Variants in KCNN2 observed in about 807,000 individuals in gnomAD.
KCNN2 encodes potassium calcium-activated channel subfamily N member 2.
KCNN2 carries 24 observed loss-of-function variants against 55.5 expected under a neutral mutation model. That is an observed-to-expected ratio of 0.43 (90% CI 0.31 to 0.61). The LOEUF is 0.61. KCNN2 is among the 20% of genes least tolerant of loss of function. The pLI, the probability that KCNN2 is intolerant of heterozygous loss-of-function variation, is 0.08. For synonymous variants in KCNN2, 431 were observed against 336.1 expected, an observed-to-expected ratio of 1.28 and a Z score of -3.09; for missense variants, 754 against 853.6, an observed-to-expected ratio of 0.88 and a Z score of 1.45.
At chr5:114,350,277 C>T (rs532090794) in intron 2 of KCNN2, among the ~76,000 whole-genome samples, 1 of 151,794 alleles carries the variant, frequency 6.6e-6, no homozygotes, top group Admixed American at 6.6e-5. Context: ...AAAATCTTAC[C>T]TTTTAGTTAT....
At chr5:114,175,579 A>G (rs988327086) in intron 1 of KCNN2, among the ~76,000 whole-genome samples, 3 of 152,134 alleles carry the variant, frequency 2.0e-5, no homozygotes, top group African/African-American at 7.2e-5. Context: ...AAAAACAGGT[A>G]TAGTTCTGTA....
At chr5:114,267,841 G>A (rs1339968044) in intron 2 of KCNN2, among the ~76,000 whole-genome samples, 1 of 152,148 alleles carries the variant, frequency 6.6e-6, no homozygotes, top group African/African-American at 2.4e-5. Context: ...TCAGGCATTT[G>A]TTTCTAGATG....
At chr5:114,179,759 T>C (rs1753204588) in intron 1 of KCNN2, among the ~76,000 whole-genome samples, 1 of 152,208 alleles carries the variant, frequency 6.6e-6, no homozygotes, top group Admixed American at 6.5e-5. Context: ...AACCTTAAAA[T>C]AAGACTCAGC....
intron 2 of KCNN2, among the ~76,000 whole-genome samples, chr5:114,280,544 TA>T (rs1389993361): frequency 3.9e-5 from 6 of 152,194 alleles, no homozygotes; most frequent in Admixed American, 3.9e-4. Context: ...CCATCACCAT[TA>T]ATTAAATAGG....
At chr5:114,447,843 G>A (rs1760482764) in intron 3 of KCNN2, among the ~76,000 whole-genome samples, 1 of 152,106 alleles carries the variant, frequency 6.6e-6, no homozygotes, top group Admixed American at 6.6e-5. Context: ...TGCTTCTACA[G>A]GTGAAAACCT....
chr5:114,365,561 C>T (rs900853918), intron 2 of KCNN2, among the ~76,000 whole-genome samples: 6 of 152,154 alleles, frequency 3.9e-5, no homozygotes, highest in Non-Finnish European at 7.4e-5. Flanking sequence ...GGTAGCTTGC[C>T]GGGCCACACA....
At chr5:114,329,754 T>C (rs1452454701) in intron 2 of KCNN2, among the ~76,000 whole-genome samples, 1 of 152,186 alleles carries the variant, frequency 6.6e-6, no homozygotes, top group Non-Finnish European at 1.5e-5. Flanking sequence ...CCTTTGGAGA[T>C]CCCTGACTAA....
At chr5:114,166,476 C>T (rs1752915992) in intron 1 of KCNN2, among the ~76,000 whole-genome samples, 1 of 152,100 alleles carries the variant, frequency 6.6e-6, no homozygotes, top group African/African-American at 2.4e-5. Context: ...TCAAAAAACA[C>T]ATAGAACAAT....
chr5:114,117,538 T>A (rs1410894486), intron 1 of KCNN2, among the ~76,000 whole-genome samples: 1 of 152,172 alleles, frequency 6.6e-6, no homozygotes, highest in Non-Finnish European at 1.5e-5. Flanking sequence ...TTGAAATAAC[T>A]GGAGAGCAGT....
intron 2 of KCNN2, among the ~76,000 whole-genome samples, chr5:114,272,998 G>T (rs2150009244): frequency 6.6e-6 from 1 of 152,100 alleles, no homozygotes; most frequent in South Asian, 2.1e-4. Context: ...ACCTACATTA[G>T]GCATTTCTCC....
intron 3 of KCNN2, among the ~76,000 whole-genome samples, chr5:114,460,665 A>T (rs28592267): frequency 0.36 from 55,296 of 152,022 alleles, 10,346 homozygotes; most frequent in East Asian, 0.62. Flanking sequence ...GTATCTAAGG[A>T]CACTTTGCTG....
intron 2 of KCNN2, among the ~76,000 whole-genome samples, chr5:114,270,640 T>C (rs1250675001): frequency 6.6e-6 from 1 of 152,186 alleles, no homozygotes; most frequent in Non-Finnish European, 1.5e-5. Flanking sequence ...TCCTGTTTCA[T>C]ATTTTACTCC....
intron 1 of KCNN2, among the ~76,000 whole-genome samples, chr5:114,151,186 GA>G (rs1752517006): frequency 6.6e-6 from 1 of 151,462 alleles, no homozygotes; most frequent in African/African-American, 2.4e-5. Flanking sequence ...GTAGAGTTGA[GA>G]AAAAAATGAT....
At chr5:114,439,422 G>T (rs1010606440) in intron 3 of KCNN2, among the ~76,000 whole-genome samples, 8 of 152,170 alleles carry the variant, frequency 5.3e-5, no homozygotes, top group Non-Finnish European at 4.4e-5. Flanking sequence ...CTAAGGATCA[G>T]TGTTAACTAC....
chr5:114,193,348 A>C (rs898769976), intron 1 of KCNN2, among the ~76,000 whole-genome samples: 2 of 152,150 alleles, frequency 1.3e-5, no homozygotes, highest in Non-Finnish European at 2.9e-5. Flanking sequence ...CAGATTATAC[A>C]GAACATATTC....
Position 114,083,831 on chromosome 5 carries a change from G to A in KCNN2, c.-271+27331G>A, listed in dbSNP as rs187860054. Among the ~76,000 whole-genome samples, 760 of 152,146 alleles carry A rather than the reference G, an allele frequency of 5.0e-3. 9 individuals carry two copies. Among genetic ancestry groups the A allele is most frequent in the African/African-American group, 0.017 (716 of 41,542 alleles). ...CACTGCCCTAAAAATCCTCTGTGCT[G>A]AACCTAGTCATCCCTCTCTTCCCAC... On this transcript the variant is annotated intron_variant, in intron 1 of 10. Transcript: ENST00000512097.
chr5:114,139,044 GCTTTT>G (rs1752223636), intron 1 of KCNN2, among the ~76,000 whole-genome samples: 1 of 152,020 alleles, frequency 6.6e-6, no homozygotes, highest in Non-Finnish European at 1.5e-5. Flanking sequence ...TATTTTATAT[GCTTTT>G]CTTGAGTAAT....
intron 2 of KCNN2, among the ~76,000 whole-genome samples, chr5:114,353,163 T>C (rs988732141): frequency 7.2e-5 from 11 of 151,880 alleles, no homozygotes; most frequent in African/African-American, 2.7e-4. Context: ...GTTACATTTT[T>C]TTTTTCTTAA....
At chr5:114,232,445 T>C (rs1403504434) in intron 2 of KCNN2, among the ~76,000 whole-genome samples, 3 of 151,192 alleles carry the variant, frequency 2.0e-5, no homozygotes, top group Admixed American at 2.0e-4. Context: ...CAGTAATATT[T>C]TAAGGTTTGC....
Sources: allele counts gnomAD v4.1 joint callset (sites outside exome capture counted in the v4.1 genomes callset), GRCh38; gene constraint gnomAD v4.1.1; transcripts MANE v1.5; gene names NCBI Gene and HGNC (gene_info 2026-07-23, HGNC 2026-07-21).